Variants in INPP5D observed in about 807,000 individuals in gnomAD.
The protein encoded by INPP5D is inositol polyphosphate-5-phosphatase D, also known as phosphatidylinositol 3,4,5-trisphosphate 5-phosphatase 1.
INPP5D carries 33 observed loss-of-function variants against 122.9 expected under a neutral mutation model. The observed-to-expected ratio is 0.27, with a 90% CI of 0.20 to 0.36. The LOEUF (loss-of-function observed/expected upper bound fraction) is 0.36. INPP5D is among the 10% of genes least tolerant of loss of function. INPP5D has a pLI of 1.00. For missense variants in INPP5D, 1,053 were observed against 1,412.7 expected, an observed-to-expected ratio of 0.75 and a Z score of 4.08; for synonymous variants, 584 against 576.2, an observed-to-expected ratio of 1.01 and a Z score of -0.19.
At chr2:233,195,041 C>G (rs1695147384) in intron 23 of INPP5D, among the ~76,000 whole-genome samples, 1 of 152,194 alleles carries the variant, frequency 6.6e-6, no homozygotes, top group Non-Finnish European at 1.5e-5. Context: ...AGTGACACAC[C>G]TGCCTCGGCC....
At chr2:233,144,909 G>A (rs1233896859) in intron 6 of INPP5D, among the ~76,000 whole-genome samples, 1 of 151,998 alleles carries the variant, frequency 6.6e-6, no homozygotes, top group African/African-American at 2.4e-5. Flanking sequence ...AGTAAAAGTA[G>A]TATACTAAAG....
chr2:233,070,317 TC>T (rs1691342599), intron 1 of INPP5D, among the ~76,000 whole-genome samples: 1 of 152,148 alleles, frequency 6.6e-6, no homozygotes, highest in Admixed American at 6.5e-5. Context: ...TCCTTTTTTC[TC>T]CCTTCGCTTT....
rs891974735 is a variant in INPP5D at position 233,079,368 on chromosome 2, G to T, written c.168G>T (p.Leu56=). 6.2e-7 allele frequency: 1 copy of T among 1,606,988 alleles called. No homozygotes were observed. The highest frequency in any genetic ancestry group is 1.3e-5 in the African/African-American group (1 of 74,778). Residue 56 remains leucine (L), a synonymous_variant, in exon 2 of 27, where the codon CTG becomes CTT. Transcript: ENST00000445964. The part of the protein sequence containing the change: ...YRNCVYTYRI[L]PNEDDKFTVQ... ...ATTGCGTTTACACTTACAGAATTCT[G>T]CCCAATGAAGATGATAAATTCACTG...
rs1694826839 is a variant in INPP5D at position 233,183,160 on chromosome 2, T to G, written c.2161+661T>G. Among the ~76,000 whole-genome samples, 1 of 152,124 alleles carries G rather than the reference T, an allele frequency of 6.6e-6. No individual in the cohort carries two copies. Among genetic ancestry groups the G allele is most frequent in the South Asian group, 2.1e-4 (1 of 4,824 alleles). On this transcript the variant is annotated intron_variant, in intron 19 of 26. Transcript: ENST00000445964. The surrounding 1 kb of genome is among the most constrained non-coding windows in gnomAD (Gnocchi z 4.6). ...CCCTCATCCCAGCTGGGCCAGGTGT[T>G]CTCTGTAATGTGCCCATCCAGCCCT...
chr2:233,122,290 CT>C, intron 3 of INPP5D, 33 bp downstream of exon 3: 1 of 1,599,588 alleles, frequency 6.3e-7, no homozygotes, highest in Non-Finnish European at 8.5e-7. Flanking sequence ...GCAGGAGGTA[CT>C]TTTGGGAACT....
intron 8 of INPP5D, 118 bp downstream of exon 8, chr2:233,146,556 C>T (rs1382382566): frequency 4.4e-6 from 3 of 682,710 alleles, no homozygotes; most frequent in Admixed American, 2.0e-5. Context: ...GCAGGGAGCG[C>T]ATTAGCCAAG....
intron 4 of INPP5D, among the ~76,000 whole-genome samples, chr2:233,126,755 A>G (rs1001400228): frequency 3.3e-5 from 5 of 152,054 alleles, no homozygotes; most frequent in African/African-American, 1.2e-4. Flanking sequence ...CCCCTTCTCC[A>G]CTAAAAATAC....
intron 2 of INPP5D, among the ~76,000 whole-genome samples, chr2:233,083,708 G>A (rs1463280903): frequency 4.6e-5 from 7 of 152,226 alleles, no homozygotes; most frequent in African/African-American, 1.7e-4. Flanking sequence ...CTTTGGGAAA[G>A]TAAGGAAGAG....
chr2:233,189,370 G>T lies in INPP5D; in HGVS notation c.2359-480G>T, dbSNP rs943797564. ...CCTAGATAGGGGCAAGCCAGACAGG[G>T]GCAGGGCTGGGATGCAGCCACAGTC... On this transcript the variant is annotated intron_variant, in intron 21 of 26. Transcript: ENST00000445964. This position sits in a 1 kb window ranked among gnomAD's most constrained non-coding sequence, Gnocchi z 5.6. 6.6e-6 allele frequency among the ~76,000 whole-genome samples: 1 copy of T among 152,220 alleles called. No individual in the cohort carries two copies. Among genetic ancestry groups the T allele is most frequent in the Non-Finnish European group, 1.5e-5 (1 of 68,030 alleles).
At chr2:233,070,325 C>T (rs944403039) in intron 1 of INPP5D, among the ~76,000 whole-genome samples, 2 of 152,060 alleles carry the variant, frequency 1.3e-5, no homozygotes, top group Non-Finnish European at 2.9e-5. Context: ...TCTCCCTTCG[C>T]TTTTCAATGC....
At chr2:233,130,789 G>A (rs762986437) in intron 5 of INPP5D, 141 bp downstream of exon 5, 1 of 894,856 alleles carries the variant, frequency 1.1e-6, no homozygotes, top group Non-Finnish European at 1.8e-6. Flanking sequence ...AGCACAGCTT[G>A]GAAATCTCTG....
chr2:233,096,747 C>G (rs776271191), intron 2 of INPP5D, among the ~76,000 whole-genome samples: 70 of 152,096 alleles, frequency 4.6e-4, no homozygotes, highest in South Asian at 1.0e-3. Flanking sequence ...TCCATTTTTT[C>G]CTTTTTAAAA....
chr2:233,163,348 T>G (rs1173428245), intron 11 of INPP5D, among the ~76,000 whole-genome samples: 1 of 152,194 alleles, frequency 6.6e-6, no homozygotes, highest in Non-Finnish European at 1.5e-5. Context: ...CTAAAACTTG[T>G]CAGTTCCCTT....
chr2:233,124,770 G>A (rs2106258635), intron 3 of INPP5D, among the ~76,000 whole-genome samples: 1 of 152,372 alleles, frequency 6.6e-6, no homozygotes, highest in South Asian at 2.1e-4. Flanking sequence ...GTTTCTGTGA[G>A]GGCTGAAAAA....
chr2:233,106,695 G>C (rs1692477719), intron 2 of INPP5D, among the ~76,000 whole-genome samples: 1 of 152,262 alleles, frequency 6.6e-6, no homozygotes, highest in South Asian at 2.1e-4. Context: ...AAAGCTCACT[G>C]TGATGCCAGG....
chr2:233,141,373 C>A (rs1455792196), intron 6 of INPP5D: 1 of 152,108 alleles, frequency 6.6e-6, no homozygotes, highest in African/African-American at 2.4e-5. Flanking sequence ...TTGAGACCAA[C>A]CTGACCAACA....
In INPP5D at chr2:233,206,882, C is replaced by G. The variant is rs982549291; in HGVS notation, c.*174C>G. ...CCCACAGAGTTCACTGCCTGTGAGA[C>G]TTAGCACCAAGTGCTGAGGCTGGAA... On this transcript the variant is annotated 3_prime_UTR_variant, in exon 27 of 27. Coordinates refer to ENST00000445964, the MANE Select transcript of INPP5D (RefSeq NM_001017915.3). This position sits in a 1 kb window ranked among gnomAD's most constrained non-coding sequence, Gnocchi z 4.0. 1.6e-6 allele frequency: 1 copy of G among 606,740 alleles called. No homozygotes were observed. The highest frequency in any genetic ancestry group is 1.9e-5 in the African/African-American group (1 of 53,562). 37.6% of individuals were successfully genotyped at this position (606,740 alleles called of 1,614,324 possible).
rs7559281 is a variant in INPP5D at position 233,206,954 on chromosome 2, C to T, written c.*246C>T. ...CAACAAACAGTCTGGGTCCCCAGCTCGCTCTTGGTACTTGGGACCCCAGTG... is the reference window on the plus strand; with the variant it reads ...CAACAAACAGTCTGGGTCCCCAGCTTGCTCTTGGTACTTGGGACCCCAGTG... On this transcript the variant is annotated 3_prime_UTR_variant, in exon 27 of 27. Transcript: ENST00000445964. This position sits in a 1 kb window ranked among gnomAD's most constrained non-coding sequence, Gnocchi z 4.0. 15,930 of 494,652 alleles carry T rather than the reference C, an allele frequency of 0.032. 1,733 individuals carry two copies. Among genetic ancestry groups the T allele is most frequent in the African/African-American group, 0.26 (13,008 of 50,460 alleles). 30.6% of individuals were successfully genotyped at this position (494,652 alleles called of 1,614,324 possible). A position where few individuals can be genotyped will look rare whatever the true frequency, so the allele number is the denominator to read the frequency against.
At position 233,204,110 on chromosome 2, in the gene INPP5D, C is replaced by A; in HGVS notation, c.2976-16C>A. 6.6e-7 allele frequency: 1 copy of A among 1,508,460 alleles called. No homozygotes were observed. Among genetic ancestry groups the A allele is most frequent in the Non-Finnish European group, 8.9e-7 (1 of 1,126,450 alleles). The allele number at this position is 1,508,460 out of a possible 1,614,324, so 93.4% of individuals were successfully genotyped here. ...CCCCTGGACATGTGTCTTCCCTGCT[C>A]TGTCCCTGGCTCTAGGCCCAGTGAC... On this transcript the variant is annotated splice_polypyrimidine_tract_variant and intron_variant, in intron 25 of 26. Transcript: ENST00000445964.
Sources: gnomAD v4.1 joint callset for allele counts (sites outside exome capture counted in the v4.1 genomes callset) on GRCh38, gnomAD v4.1.1 for gene constraint, Gnocchi (gnomAD v3.1) non-coding constraint, MANE v1.5 for transcripts, NCBI Gene and HGNC (gene_info 2026-07-23, HGNC 2026-07-21) for gene names.